The following FAT3 variants were observed in gnomAD, a reference collection of about 807,000 sequenced individuals.
The protein encoded by FAT3 is FAT atypical cadherin 3, also known as protocadherin Fat 3.
FAT3 carries 95 observed loss-of-function variants against 310.2 expected under a neutral mutation model. The observed-to-expected ratio is 0.31, with a 90% CI of 0.26 to 0.36. The LOEUF (loss-of-function observed/expected upper bound fraction) is 0.36. FAT3 is among the 10% of genes least tolerant of loss of function. The probability of loss-of-function intolerance (pLI) is 1.00; values close to 1 mark genes in which losing one functional copy is unlikely to be tolerated. For missense variants in FAT3, 5,408 were observed against 5,715.6 expected, an observed-to-expected ratio of 0.95 and a Z score of 1.74; for synonymous variants, 2,314 against 2,192.9, an observed-to-expected ratio of 1.06 and a Z score of -1.54.
At chr11:92,286,105 GC>G (rs1227335306) in intron 1 of FAT3, among the ~76,000 whole-genome samples, 2 of 152,100 alleles carry the variant, frequency 1.3e-5, no homozygotes, top group Non-Finnish European at 2.9e-5. Context: ...TTGACCTGAA[GC>G]TTTAGATCAG....
chr11:92,708,942 G>A (rs554439460), intron 4 of FAT3, among the ~76,000 whole-genome samples: 2 of 152,296 alleles, frequency 1.3e-5, no homozygotes, highest in East Asian at 1.9e-4. Flanking sequence ...TATGATGAAG[G>A]TCATTAGATC....
intron 2 of FAT3, among the ~76,000 whole-genome samples, chr11:92,521,332 A>G (rs1953674814): frequency 6.6e-6 from 1 of 152,164 alleles, no homozygotes; most frequent in Non-Finnish European, 1.5e-5. Context: ...AAATTATGTA[A>G]TGGGCAAATC....
intron 2 of FAT3, among the ~76,000 whole-genome samples, chr11:92,413,639 C>T (rs1950345206): frequency 6.6e-6 from 1 of 152,162 alleles, no homozygotes; most frequent in South Asian, 2.1e-4. Context: ...CCCCTTCATA[C>T]TCAACTGAAT....
intron 1 of FAT3, among the ~76,000 whole-genome samples, chr11:92,236,294 G>T (rs1255410974): frequency 6.6e-6 from 1 of 152,096 alleles, no homozygotes. Context: ...ACATAATAAT[G>T]CTTGTCTATG....
chr11:92,739,821 G>A (rs1040419134), intron 4 of FAT3, among the ~76,000 whole-genome samples: 4 of 152,094 alleles, frequency 2.6e-5, no homozygotes, highest in African/African-American at 9.7e-5. Context: ...AAATGCTTTT[G>A]CCATAAAATA....
At chr11:92,420,490 C>G (rs890299845) in intron 2 of FAT3, among the ~76,000 whole-genome samples, 2 of 152,148 alleles carry the variant, frequency 1.3e-5, no homozygotes, top group Non-Finnish European at 2.9e-5. Context: ...AACTTAGTAT[C>G]GAGTGGGATT....
At chr11:92,397,714 AT>A (rs1727232831) in intron 2 of FAT3, among the ~76,000 whole-genome samples, 1 of 149,452 alleles carries the variant, frequency 6.7e-6, no homozygotes, top group African/African-American at 2.5e-5. Context: ...ACTGCCTTCC[AT>A]CCCCCGCTTG....
At chr11:92,639,187 A>G (rs1227784833) in intron 3 of FAT3, among the ~76,000 whole-genome samples, 2 of 152,186 alleles carry the variant, frequency 1.3e-5, no homozygotes, top group African/African-American at 4.8e-5. Flanking sequence ...TACCTGCATG[A>G]TGGATGGGAG....
At chr11:92,332,897 A>T (rs1012493927) in intron 1 of FAT3, among the ~76,000 whole-genome samples, 1 of 151,930 alleles carries the variant, frequency 6.6e-6, no homozygotes, top group Non-Finnish European at 1.5e-5. Flanking sequence ...AGTATTTGCT[A>T]TGTTATGTTA....
At chr11:92,546,294 T>G (rs1954616304) in intron 3 of FAT3, among the ~76,000 whole-genome samples, 1 of 152,250 alleles carries the variant, frequency 6.6e-6, no homozygotes, top group African/African-American at 2.4e-5. Context: ...CATTGTAATT[T>G]AAATTCAGAA....
chr11:92,486,129 G>GTTTTTTTTT (rs1565353395), intron 2 of FAT3, among the ~76,000 whole-genome samples: 367 of 27,582 alleles, frequency 0.013, 29 homozygotes, highest in African/African-American at 0.03. Context: ...AGGCTGCTGG[G>GTTTTTTTTT]GTTTTTTTTT....
chr11:92,793,783 C>T (rs1947095789), intron 9 of FAT3, among the ~76,000 whole-genome samples: 1 of 152,086 alleles, frequency 6.6e-6, no homozygotes, highest in African/African-American at 2.4e-5. Context: ...GTGAATAATG[C>T]CAAATGCAAT....
chr11:92,467,448 CT>C (rs1437469668), intron 2 of FAT3, among the ~76,000 whole-genome samples: 3 of 152,116 alleles, frequency 2.0e-5, no homozygotes, highest in Admixed American at 6.6e-5. Context: ...ATTATCTTGC[CT>C]TTTTTTGTTA....
intron 1 of FAT3, among the ~76,000 whole-genome samples, chr11:92,293,683 G>A (rs772688611): frequency 6.6e-6 from 1 of 151,344 alleles, no homozygotes; most frequent in Non-Finnish European, 1.5e-5. Context: ...TCAAGAAAAG[G>A]ATCAGGAGGT....
At chr11:92,752,514 G>A (rs770299476) in intron 4 of FAT3, among the ~76,000 whole-genome samples, 4 of 152,346 alleles carry the variant, frequency 2.6e-5, no homozygotes, top group South Asian at 2.1e-4. Context: ...AGCTTTTAAT[G>A]CATGTTACCT....
intron 2 of FAT3, among the ~76,000 whole-genome samples, chr11:92,389,786 C>T (rs1354853978): frequency 6.6e-6 from 1 of 152,080 alleles, no homozygotes; most frequent in East Asian, 1.9e-4. Flanking sequence ...GGGTACGTGT[C>T]AGGTCTGTTT....
rs151300935 is a variant in FAT3, at chr11:92,243,423, C to A, written c.-18+18249C>A. Among the ~76,000 whole-genome samples the A allele has an allele frequency of 2.6e-3, 387 of 151,702 alleles. 5 individuals are homozygous for A. The highest frequency in any genetic ancestry group is 9.1e-3 in the African/African-American group (377 of 41,414). On this transcript the variant is annotated intron_variant, in intron 1 of 27. Coordinates refer to ENST00000525166, the MANE Select transcript of FAT3 (RefSeq NM_001367949.2). The stretch of plus-strand genomic sequence containing the variant: ...GGGAAAAGTTTTAAAAATGAATTTC[C>A]TCAGAGTTAGATGGAAATGTTTTTT...
chr11:92,387,500 G>T (rs1949652287), intron 2 of FAT3, among the ~76,000 whole-genome samples: 1 of 152,096 alleles, frequency 6.6e-6, no homozygotes, highest in African/African-American at 2.4e-5. Flanking sequence ...AAGGGTAGGG[G>T]AGAAGGGATG....
intron 1 of FAT3, among the ~76,000 whole-genome samples, chr11:92,235,525 C>G (rs550994969): frequency 2.4e-3 from 369 of 152,230 alleles, no homozygotes; most frequent in Non-Finnish European, 4.6e-3. Flanking sequence ...GTCTCCCACT[C>G]TTATTGCTAT....
Sources: gnomAD v4.1 joint callset for allele counts (sites outside exome capture counted in the v4.1 genomes callset) on GRCh38, gnomAD v4.1.1 for gene constraint, MANE v1.5 for transcripts, NCBI Gene and HGNC (gene_info 2026-07-23, HGNC 2026-07-21) for gene names.